Variants in PLCG2 observed in about 807,000 individuals in gnomAD.
PLCG2 encodes 1-phosphatidylinositol 4,5-bisphosphate phosphodiesterase gamma-2.
PLCG2 carries 69 observed loss-of-function variants against 175.6 expected under a neutral mutation model. That is an observed-to-expected ratio of 0.39 (90% confidence interval 0.32 to 0.48). The LOEUF is 0.48. Ranked by LOEUF, PLCG2 falls within the 20% of genes least tolerant of loss-of-function variation. The probability of loss-of-function intolerance (pLI) is 0.91; values close to 1 mark genes in which losing one functional copy is unlikely to be tolerated. For synonymous variants in PLCG2, 827 were observed against 624.0 expected (o/e 1.33, Z -4.85); for missense variants, 1,798 against 1,650.9 (o/e 1.09, Z -1.54).
chr16:81,910,841 G>A (rs904110422), intron 18 of PLCG2, 121 bp downstream of exon 18: 9 of 911,494 alleles, frequency 9.9e-6, no homozygotes, highest in East Asian at 9.8e-5. Context: ...CCAGCCCACC[G>A]GCATCTCAAA....
intron 2 of PLCG2, among the ~76,000 whole-genome samples, chr16:81,854,215 C>G (rs12932761): frequency 9.2e-5 from 14 of 152,228 alleles, no homozygotes; most frequent in Non-Finnish European, 1.5e-4. Flanking sequence ...AAACCCCAAA[C>G]TCTTCAGACT....
chr16:81,769,420 A>G (rs529065661), intron 2 of PLCG2, among the ~76,000 whole-genome samples: 2 of 152,162 alleles, frequency 1.3e-5, no homozygotes, highest in African/African-American at 4.8e-5. Context: ...CTACGTTCTG[A>G]TTCAGTAAGG....
chr16:81,911,119 T>G, intron 18 of PLCG2, among the ~76,000 whole-genome samples: 1 of 152,120 alleles, frequency 6.6e-6, no homozygotes, highest in South Asian at 2.1e-4. Context: ...GAAATGAGTA[T>G]CAAGGTAGGT....
At chr16:81,842,851 C>G (rs1266705203) in intron 2 of PLCG2, 1 of 151,438 alleles carries the variant, frequency 6.6e-6, no homozygotes. Context: ...CAAAAGTCCG[C>G]AAGGCTGTGC....
intron 28 of PLCG2, chr16:81,938,440 G>A (rs1449017087): frequency 2.2e-5 from 6 of 271,220 alleles, no homozygotes. Flanking sequence ...GTTATAAAAA[G>A]AATGCCACAC....
intron 7 of PLCG2, among the ~76,000 whole-genome samples, chr16:81,877,642 G>A (rs1012846266): frequency 6.6e-6 from 1 of 152,154 alleles, no homozygotes; most frequent in South Asian, 2.1e-4. Flanking sequence ...TGTGGACACC[G>A]CCTGGCTGCT....
intron 2 of PLCG2, among the ~76,000 whole-genome samples, chr16:81,846,158 A>G (rs1409901953): frequency 6.6e-6 from 1 of 152,142 alleles, no homozygotes; most frequent in African/African-American, 2.4e-5. Context: ...CACTGCTCTC[A>G]CTAGAAGAAA....
chr16:81,769,728 G>C (rs1319708989), intron 2 of PLCG2, among the ~76,000 whole-genome samples: 2 of 148,606 alleles, frequency 1.3e-5, no homozygotes, highest in Admixed American at 6.8e-5. Context: ...GCTGAGGCAG[G>C]AGAATGGCGT....
chr16:81,903,248 A>G (rs756804895), intron 14 of PLCG2, among the ~76,000 whole-genome samples: 1 of 152,196 alleles, frequency 6.6e-6, no homozygotes, highest in Non-Finnish European at 1.5e-5. Flanking sequence ...TGTACCCTAT[A>G]TTATCACTGG....
intron 2 of PLCG2, among the ~76,000 whole-genome samples, chr16:81,822,836 G>C (rs948730511): frequency 2.6e-5 from 4 of 151,330 alleles, no homozygotes; most frequent in African/African-American, 9.7e-5. Flanking sequence ...GATGGCAACA[G>C]AGGTTGGAAT....
chr16:81,758,951 T>G (rs1395330173), intron 2 of PLCG2, among the ~76,000 whole-genome samples: 4 of 152,226 alleles, frequency 2.6e-5, no homozygotes, highest in Non-Finnish European at 5.9e-5. Context: ...GTGCTGAGAT[T>G]ACAGGCGTGA....
chr16:81,885,880 G>A (rs746727454), intron 9 of PLCG2, among the ~76,000 whole-genome samples: 10 of 152,162 alleles, frequency 6.6e-5, no homozygotes, highest in Non-Finnish European at 8.8e-5. Flanking sequence ...TCCTAGTGCC[G>A]GGGTTGAATG....
At position 81,816,651 on chromosome 16, in the gene PLCG2, A is replaced by ACTTTTTTTTTTTTTTT. The variant is rs1555509092; in HGVS notation, c.193+30469_193+30470insCTTTTTTTTTTTTTTT. ...GCACCACCATGCCCAGCTAATTTTAATTTTTTTTTTTTTTTTTTTTTTTTT... is the reference window on the plus strand; with the variant it reads ...GCACCACCATGCCCAGCTAATTTTAACTTTTTTTTTTTTTTTTTTTTTTTTTTTTTTTTTTTTTTTT... On this transcript the variant is annotated intron_variant, in intron 2 of 32. Transcript: ENST00000564138. Among the ~76,000 whole-genome samples, 7 of 108,880 alleles carry ACTTTTTTTTTTTTTTT rather than the reference A, an allele frequency of 6.4e-5. 3 individuals carry two copies. The highest frequency in any genetic ancestry group is 1.1e-4 in the African/African-American group (3 of 26,504). 71.4% of individuals were successfully genotyped at this position (108,880 alleles called of 152,430 possible).
intron 6 of PLCG2, among the ~76,000 whole-genome samples, chr16:81,869,990 C>T (rs1907436550): frequency 1.3e-5 from 2 of 152,178 alleles, no homozygotes; most frequent in Admixed American, 6.5e-5. Flanking sequence ...AATATCAGCT[C>T]CATTACAAGG....
chr16:81,961,581 G>A lies in PLCG2; in HGVS notation c.*3583G>A, dbSNP rs1159523431. ...AGGCTAAAATTTTGAGGGAGAAGTG[G>A]TATGAAAATACAAATTCAAGGAGTA... On this transcript the variant is annotated 3_prime_UTR_variant, in exon 33 of 33. Transcript: ENST00000564138. 9.3e-6 allele frequency: 2 copies of A among 215,562 alleles called. No individual in the cohort carries two copies. Among genetic ancestry groups the A allele is most frequent in the African/African-American group, 2.3e-5 (1 of 44,394 alleles). The allele number at this position is 215,562 out of a possible 1,614,324, so 13.4% of individuals were successfully genotyped here.
chr16:81,937,550 T>C (rs1910765455), intron 27 of PLCG2: 1 of 429,940 alleles, frequency 2.3e-6, no homozygotes, highest in East Asian at 3.6e-5. Flanking sequence ...GATTCGGGAT[T>C]TGGTGACATA....
At position 81,878,921 on chromosome 16, in the gene PLCG2, A is replaced by G. The variant is rs73594884; in HGVS notation, c.649-1989A>G. Among the ~76,000 whole-genome samples, 1,519 of 152,038 alleles carry G rather than the reference A, an allele frequency of 1.0e-2. 30 individuals carry two copies. Among genetic ancestry groups the G allele is most frequent in the African/African-American group, 0.035 (1,445 of 41,438 alleles). Reference sequence around the variant, plus strand: ...GGCCAATTCCTGCAAACACGTTCCCAGGTGCCTGTGCCAATGAGCTTCCGG... The same window carrying G: ...GGCCAATTCCTGCAAACACGTTCCCGGGTGCCTGTGCCAATGAGCTTCCGG... On this transcript the variant is annotated intron_variant, in intron 7 of 32. Transcript: ENST00000564138.
At chr16:81,830,984 A>G (rs116398362) in intron 2 of PLCG2, among the ~76,000 whole-genome samples, 26 of 152,206 alleles carry the variant, frequency 1.7e-4, no homozygotes, top group African/African-American at 5.8e-4. Context: ...TCTTCCTACA[A>G]CCAACCATAC....
chr16:81,816,762 A>C (rs1343874444), intron 2 of PLCG2, among the ~76,000 whole-genome samples: 1 of 144,276 alleles, frequency 6.9e-6, no homozygotes, highest in Non-Finnish European at 1.5e-5. Flanking sequence ...TCAGCCTCCC[A>C]AAATGCTGGG....
Sources: gnomAD v4.1 joint callset for allele counts (sites outside exome capture counted in the v4.1 genomes callset) on GRCh38, gnomAD v4.1.1 for gene constraint, MANE v1.5 for transcripts, NCBI Gene and HGNC (gene_info 2026-07-23, HGNC 2026-07-21) for gene names.